Variants in ARHGAP24 observed in about 807,000 individuals in gnomAD.
ARHGAP24 encodes the protein Rho GTPase activating protein 24.
A neutral mutation model predicts 76.4 loss-of-function variants in ARHGAP24; 50 were observed. That is an observed-to-expected ratio of 0.65 (90% CI 0.52 to 0.83). ARHGAP24 has a LOEUF of 0.83. Ranked by LOEUF, ARHGAP24 falls within the 40% of genes least tolerant of loss-of-function variation. The probability of loss-of-function intolerance (pLI) is 0.00; values close to 1 mark genes in which losing one functional copy is unlikely to be tolerated. For missense variants in ARHGAP24, 930 were observed against 914.2 expected (o/e 1.02, Z -0.22); for synonymous variants, 345 against 323.3 (o/e 1.07, Z -0.72).
chr4:85,647,647 A>G (rs1654924361), intron 2 of ARHGAP24, among the ~76,000 whole-genome samples: 1 of 152,162 alleles, frequency 6.6e-6, no homozygotes, highest in Admixed American at 6.6e-5. Context: ...TCATCTTAAC[A>G]ACTCTACAGT....
intron 1 of ARHGAP24, among the ~76,000 whole-genome samples, chr4:85,527,411 C>A (rs1467808358): frequency 6.6e-6 from 1 of 151,886 alleles, no homozygotes; most frequent in Admixed American, 6.6e-5. Context: ...GATAGGCATG[C>A]ATATTAATAA....
chr4:85,773,193 T>G (rs1727192704), intron 3 of ARHGAP24, among the ~76,000 whole-genome samples: 1 of 152,228 alleles, frequency 6.6e-6, no homozygotes, highest in Non-Finnish European at 1.5e-5. Flanking sequence ...CCTTCATGCC[T>G]AATTTCAGAC....
intron 1 of ARHGAP24, among the ~76,000 whole-genome samples, chr4:85,539,423 T>C (rs1321573791): frequency 1.3e-5 from 2 of 152,174 alleles, no homozygotes; most frequent in Admixed American, 6.5e-5. Flanking sequence ...AACATTTTAA[T>C]GTGAGTTAAG....
chr4:85,586,821 C>G (rs561703136), intron 2 of ARHGAP24, among the ~76,000 whole-genome samples: 165 of 152,236 alleles, frequency 1.1e-3, no homozygotes, highest in Non-Finnish European at 1.2e-3. Context: ...TCGCTTGAAC[C>G]TGGGAGGTGG....
intron 1 of ARHGAP24, among the ~76,000 whole-genome samples, chr4:85,555,256 T>C (rs973685682): frequency 6.6e-6 from 1 of 152,178 alleles, no homozygotes; most frequent in African/African-American, 2.4e-5. Context: ...GTGGGGTGAT[T>C]CAATGCAGCT....
intron 3 of ARHGAP24, among the ~76,000 whole-genome samples, chr4:85,921,939 A>G (rs1020384505): frequency 6.6e-6 from 1 of 152,114 alleles, no homozygotes; most frequent in Non-Finnish European, 1.5e-5. Flanking sequence ...TGTGGAAACA[A>G]TGTCTTCCAC....
intron 2 of ARHGAP24, among the ~76,000 whole-genome samples, chr4:85,713,635 A>G (rs1476773955): frequency 6.6e-6 from 1 of 151,120 alleles, no homozygotes; most frequent in Non-Finnish European, 1.5e-5. Context: ...GTCTCTGACT[A>G]TCAGCTGCAT....
chr4:85,898,430 C>A (rs916389383), intron 3 of ARHGAP24, among the ~76,000 whole-genome samples: 1 of 152,144 alleles, frequency 6.6e-6, no homozygotes, highest in Non-Finnish European at 1.5e-5. Flanking sequence ...TATATCCATA[C>A]TCTTCATTGA....
chr4:85,666,191 A>G (rs574077985), intron 2 of ARHGAP24, among the ~76,000 whole-genome samples: 1 of 152,180 alleles, frequency 6.6e-6, no homozygotes, highest in South Asian at 2.1e-4. Flanking sequence ...ATAGTCCTGT[A>G]TTTCTTGGAG....
intron 5 of ARHGAP24, among the ~76,000 whole-genome samples, chr4:85,960,901 G>A (rs1578436073): frequency 6.6e-6 from 1 of 152,100 alleles, no homozygotes; most frequent in East Asian, 1.9e-4. Context: ...CTCCTGAAAT[G>A]CTGTCATGAA....
chr4:85,957,512 T>C (rs888598943), intron 5 of ARHGAP24, among the ~76,000 whole-genome samples: 1 of 152,234 alleles, frequency 6.6e-6, no homozygotes, highest in African/African-American at 2.4e-5. Context: ...TGATGCTTCC[T>C]CTTTGATGTA....
chr4:85,672,369 G>A (rs180720311), intron 2 of ARHGAP24, among the ~76,000 whole-genome samples: 17 of 152,262 alleles, frequency 1.1e-4, no homozygotes, highest in African/African-American at 3.1e-4. Flanking sequence ...TGAGCAAGTG[G>A]TTTCTCAACT....
chr4:85,603,412 T>C (rs1384999081), intron 2 of ARHGAP24, among the ~76,000 whole-genome samples: 17 of 152,236 alleles, frequency 1.1e-4, no homozygotes, highest in Non-Finnish European at 2.5e-4. Context: ...TTACTAACTT[T>C]ATTATTTAAT....
chr4:85,669,689 A>ATG (rs1722759520), intron 2 of ARHGAP24, among the ~76,000 whole-genome samples: 2 of 84,176 alleles, frequency 2.4e-5, no homozygotes, highest in Admixed American at 3.2e-4. Context: ...ATATATATAT[A>ATG]TATGTGATAT....
At chr4:85,651,641 C>T in intron 2 of ARHGAP24, among the ~76,000 whole-genome samples, 1 of 148,618 alleles carries the variant, frequency 6.7e-6, no homozygotes, top group East Asian at 1.9e-4. Context: ...TAGTCTTTAC[C>T]CAAACTGTGA....
intron 2 of ARHGAP24, among the ~76,000 whole-genome samples, chr4:85,579,671 GT>G (rs1343683467): frequency 6.6e-6 from 1 of 151,886 alleles, no homozygotes; most frequent in Non-Finnish European, 1.5e-5. Context: ...CACTTTTTAT[GT>G]ACAAGGAAGC....
chr4:85,634,316 CT>C (rs1185352737), intron 2 of ARHGAP24, among the ~76,000 whole-genome samples: 1 of 151,808 alleles, frequency 6.6e-6, no homozygotes, highest in African/African-American at 2.4e-5. Context: ...TCCTTAAATA[CT>C]CTATTTTTAA....
chr4:85,954,737 G>T (rs888701916), intron 5 of ARHGAP24, among the ~76,000 whole-genome samples: 3 of 152,256 alleles, frequency 2.0e-5, no homozygotes, highest in African/African-American at 7.2e-5. Context: ...GCCGGGTGCA[G>T]TGTCTCACGC....
At chr4:85,951,580 G>C (rs553986097) in intron 5 of ARHGAP24, among the ~76,000 whole-genome samples, 2 of 152,192 alleles carry the variant, frequency 1.3e-5, no homozygotes, top group East Asian at 3.9e-4. Flanking sequence ...CTATGGATCC[G>C]TTTGGGGTCC....
Sources: allele counts gnomAD v4.1 joint callset (sites outside exome capture counted in the v4.1 genomes callset), GRCh38; gene constraint gnomAD v4.1.1; transcripts MANE v1.5; gene names NCBI Gene and HGNC (gene_info 2026-07-23, HGNC 2026-07-21).